The following XKR3 variants were observed in gnomAD, a reference collection of about 807,000 sequenced individuals.
XKR3 encodes the protein XK related 3, also known as XK-related protein 3.
XKR3 carries 27 observed loss-of-function variants against 40.3 expected under a neutral mutation model. The observed-to-expected ratio is 0.67, with a 90% CI of 0.49 to 0.92. The LOEUF is 0.92. Ranked by LOEUF, XKR3 falls within the 40% of genes least tolerant of loss-of-function variation. The pLI is 0.00. For missense variants in XKR3, 472 were observed against 537.6 expected, an observed-to-expected ratio of 0.88 and a Z score of 1.21; for synonymous variants, 193 against 195.4, an observed-to-expected ratio of 0.99 and a Z score of 0.10.
chr22:16,824,725 C>T (rs894644952), intron 1 of XKR3, among the ~76,000 whole-genome samples: 4 of 152,164 alleles, frequency 2.6e-5, no homozygotes, highest in Admixed American at 2.6e-4. Flanking sequence ...CAGATTGCAC[C>T]TTTCTGGCTG....
intron 1 of XKR3, among the ~76,000 whole-genome samples, chr22:16,810,449 C>A (rs993015971): frequency 6.6e-6 from 1 of 152,164 alleles, no homozygotes; most frequent in Non-Finnish European, 1.5e-5. Flanking sequence ...CAGAATCTAG[C>A]CACTTTTCCC....
intron 1 of XKR3, among the ~76,000 whole-genome samples, chr22:16,820,554 T>C (rs760794958): frequency 3.5e-4 from 54 of 152,170 alleles, no homozygotes; most frequent in Non-Finnish European, 6.9e-4. Flanking sequence ...ACAAAGGTAT[T>C]GTGGTCCAAA....
At chr22:16,813,746 A>G (rs1311560999) in intron 1 of XKR3, among the ~76,000 whole-genome samples, 3 of 152,226 alleles carry the variant, frequency 2.0e-5, no homozygotes, top group African/African-American at 7.2e-5. Context: ...AGAAACTACC[A>G]GACTGTTTTC....
intron 2 of XKR3, among the ~76,000 whole-genome samples, chr22:16,802,671 G>T (rs9618885): frequency 1.2e-4 from 18 of 151,986 alleles, no homozygotes; most frequent in Admixed American, 3.9e-4. Context: ...TGGGTTTGTA[G>T]TAGAGACAGG....
intron 3 of XKR3, among the ~76,000 whole-genome samples, chr22:16,784,830 T>A (rs2060083135): frequency 6.6e-6 from 1 of 152,222 alleles, no homozygotes; most frequent in Non-Finnish European, 1.5e-5. Context: ...GTTAAGAGTG[T>A]TAACTAGGAA....
intron 1 of XKR3, among the ~76,000 whole-genome samples, chr22:16,808,450 T>C (rs1367676720): frequency 2.6e-5 from 4 of 152,166 alleles, no homozygotes; most frequent in Non-Finnish European, 5.9e-5. Flanking sequence ...TGACATCCAC[T>C]AAAATAAAAC....
intron 1 of XKR3, among the ~76,000 whole-genome samples, chr22:16,822,741 A>G (rs73876605): frequency 0.012 from 1,808 of 152,338 alleles, 48 homozygotes; most frequent in African/African-American, 0.041. Context: ...TTAGCAGTAC[A>G]AACTCTGGAA....
chr22:16,798,180 C>CA (rs59584234), intron 3 of XKR3, among the ~76,000 whole-genome samples: 37,978 of 101,960 alleles, frequency 0.37, 5,684 homozygotes, highest in Middle Eastern at 0.48. Context: ...AACTCCATCT[C>CA]AAAAAAAAAA....
chr22:16,801,354 G>A (rs1193691516), intron 2 of XKR3, among the ~76,000 whole-genome samples: 1 of 152,084 alleles, frequency 6.6e-6, no homozygotes, highest in Non-Finnish European at 1.5e-5. Flanking sequence ...GACCATTCTG[G>A]GCTACATGGT....
intron 1 of XKR3, 118 bp from the exon 2 acceptor site, chr22:16,808,201 T>C (rs2060198496): frequency 2.8e-6 from 2 of 701,894 alleles, no homozygotes; most frequent in East Asian, 2.6e-5. Flanking sequence ...CAGGTAGATA[T>C]GGATCACTAA....
At chr22:16,815,829 C>T (rs369612921) in intron 1 of XKR3, among the ~76,000 whole-genome samples, 8 of 151,796 alleles carry the variant, frequency 5.3e-5, no homozygotes, top group Admixed American at 3.3e-4. Context: ...TTAATTCTGG[C>T]GTATATTGTG....
Position 16,783,861 on chromosome 22 carries a change from C to A in XKR3, c.1138G>T (p.Val380Leu). 6.2e-7 allele frequency: 1 copy of A among 1,614,112 alleles called. No homozygotes were observed. Among genetic ancestry groups the A allele is most frequent in the Non-Finnish European group, 8.5e-7 (1 of 1,180,028 alleles). The change falls in exon 4 of 4, where the codon GTG (valine) becomes TTG (leucine). Residue 380 changes from valine to leucine, a missense_variant. Coordinates refer to ENST00000684488, the MANE Select transcript of XKR3 (RefSeq NM_001386955.1). ...AATAGGTAGCTTATGATGAGCTGCA[C>A]GGCAATTAATGAGTCACAACAATTC... ...LLNCCDSLIAVQLIISYLLAT... is the reference protein window; with the variant it reads ...LLNCCDSLIALQLIISYLLAT...
intron 2 of XKR3, among the ~76,000 whole-genome samples, chr22:16,803,033 C>T (rs2060175625): frequency 6.6e-6 from 1 of 151,994 alleles, no homozygotes; most frequent in African/African-American, 2.4e-5. Context: ...TAATCAGGGA[C>T]TTCCATGTCA....
chr22:16,785,741 G>C (rs1414427009), intron 3 of XKR3, among the ~76,000 whole-genome samples: 1 of 151,942 alleles, frequency 6.6e-6, no homozygotes, highest in Non-Finnish European at 1.5e-5. Flanking sequence ...CCAGATACTC[G>C]AGAGGCTGAG....
At chr22:16,784,507 C>T (rs1327845784) in intron 3 of XKR3, 98 bp from the exon 4 acceptor site, 8 of 1,093,246 alleles carry the variant, frequency 7.3e-6, no homozygotes, top group South Asian at 3.4e-5. Context: ...TTCTTCCTCA[C>T]CCACCTCCTT....
At chr22:16,786,179 G>T (rs1463492266) in intron 3 of XKR3, among the ~76,000 whole-genome samples, 2 of 151,850 alleles carry the variant, frequency 1.3e-5, no homozygotes, top group African/African-American at 4.8e-5. Flanking sequence ...GGAGGCTGAG[G>T]TGAATGGATC....
rs1229534860 is a variant in XKR3 at position 16,783,961 on chromosome 22, T to C, written c.1038A>G (p.Leu346=). 1.2e-6 allele frequency: 2 copies of C among 1,614,190 alleles called. No homozygotes were observed. The highest frequency in any genetic ancestry group is 3.3e-5 in the Admixed American group (2 of 60,014). The part of the protein sequence containing the change: ...DGRQRWGHRI[L]HYSFQFLENV... ...TTTCTAAAAACTGAAAGCTGTAGTGTAGGATTCTATGGCCCCACCTCTGTC... is the reference window on the plus strand; with the variant it reads ...TTTCTAAAAACTGAAAGCTGTAGTGCAGGATTCTATGGCCCCACCTCTGTC... The change falls in exon 4 of 4, where the codon CTA becomes CTG. Residue 346 remains leucine, a synonymous_variant. Transcript: ENST00000684488.
At chr22:16,811,878 G>A (rs2060214345) in intron 1 of XKR3, among the ~76,000 whole-genome samples, 2 of 151,946 alleles carry the variant, frequency 1.3e-5, no homozygotes, top group Admixed American at 6.6e-5. Flanking sequence ...GCATGGTGGC[G>A]GGCACCTGTA....
chr22:16,802,212 C>T (rs5992550), intron 2 of XKR3, among the ~76,000 whole-genome samples: 87,152 of 151,950 alleles, frequency 0.57, 25,432 homozygotes, highest in African/African-American at 0.66. Context: ...TACTTTTGAC[C>T]TTTAAGTACA....
Sources: gnomAD v4.1 joint callset for allele counts (sites outside exome capture counted in the v4.1 genomes callset) on GRCh38, gnomAD v4.1.1 for gene constraint, MANE v1.5 for transcripts, NCBI Gene and HGNC (gene_info 2026-07-23, HGNC 2026-07-21) for gene names.